Variants in DSCAML1 observed in about 807,000 individuals in gnomAD.
The protein encoded by DSCAML1 is DS cell adhesion molecule like 1, also known as cell adhesion molecule DSCAML1.
In DSCAML1, 38 loss-of-function variants were observed where a neutral mutation model predicts 200.5. The observed-to-expected ratio is 0.19, with a 90% CI of 0.15 to 0.25. DSCAML1 has a LOEUF of 0.25. DSCAML1 is among the 10% of genes least tolerant of loss of function. DSCAML1 has a pLI of 1.00. For missense variants in DSCAML1, 2,223 were observed against 2,858.8 expected, an observed-to-expected ratio of 0.78 and a Z score of 5.07; for synonymous variants, 1,215 against 1,165.0, an observed-to-expected ratio of 1.04 and a Z score of -0.87.
chr11:117,590,379 A>C (rs2051236137), intron 3 of DSCAML1, among the ~76,000 whole-genome samples: 2 of 152,028 alleles, frequency 1.3e-5, no homozygotes, highest in Admixed American at 6.6e-5. Context: ...AAAAAAAAAA[A>C]AAAAACTTGT....
chr11:117,482,693 T>C (rs1204015635), intron 11 of DSCAML1, among the ~76,000 whole-genome samples: 4 of 152,188 alleles, frequency 2.6e-5, no homozygotes, highest in Admixed American at 1.3e-4. Flanking sequence ...CTGGTGACAG[T>C]CACGGGGCTG....
At chr11:117,682,527 G>A (rs986098717) in intron 3 of DSCAML1, among the ~76,000 whole-genome samples, 20 of 152,266 alleles carry the variant, frequency 1.3e-4, no homozygotes, top group African/African-American at 4.8e-4. Context: ...AATTTCAGTT[G>A]AAGCCAAATT....
At chr11:117,768,755 A>G (rs2054943481) in intron 3 of DSCAML1, among the ~76,000 whole-genome samples, 1 of 152,292 alleles carries the variant, frequency 6.6e-6, no homozygotes, top group South Asian at 2.1e-4. Flanking sequence ...AAGGTCACCA[A>G]TTAAGACTAG....
At chr11:117,796,450 GCTA>G (rs2055577739) in intron 1 of DSCAML1, among the ~76,000 whole-genome samples, 1 of 152,242 alleles carries the variant, frequency 6.6e-6, no homozygotes, top group Non-Finnish European at 1.5e-5. Flanking sequence ...GAACAAACTT[GCTA>G]TCCGAGGGAC....
At position 117,594,622 on chromosome 11, in the gene DSCAML1, TC is replaced by T. The variant is rs552456084; in HGVS notation, c.512-62101del. Among the ~76,000 whole-genome samples the T allele has an allele frequency of 3.0e-4, 46 of 152,350 alleles. No homozygotes were observed. In the East Asian group the frequency reaches 8.9e-3, roughly 29 times the overall value. On this transcript the variant is annotated intron_variant, in intron 3 of 32. Coordinates refer to ENST00000651296, the MANE Select transcript of DSCAML1 (RefSeq NM_020693.4). ...CCCCAGCGGGCTGGGTTAGATCACC[TC>T]CACCTGACATCCCGCAGACCTGCAG...
intron 16 of DSCAML1, among the ~76,000 whole-genome samples, chr11:117,467,428 G>T (rs1011146520): frequency 3.9e-5 from 6 of 152,120 alleles, no homozygotes; most frequent in Admixed American, 3.3e-4. Context: ...TAAAGACAAT[G>T]AAGTTAATTT....
At chr11:117,472,907 G>A (rs1269279741) in intron 14 of DSCAML1, among the ~76,000 whole-genome samples, 4 of 152,146 alleles carry the variant, frequency 2.6e-5, no homozygotes, top group African/African-American at 9.7e-5. Flanking sequence ...GCCTCAGCTA[G>A]GACCTTCCAC....
At chr11:117,467,193 A>ACCCCCCCCCCCCCC (rs757481843) in intron 16 of DSCAML1, among the ~76,000 whole-genome samples, 28 of 109,508 alleles carry the variant, frequency 2.6e-4, no homozygotes, top group African/African-American at 7.5e-4. Context: ...GTGCACACAC[A>ACCCCCCCCCCCCCC]CCTCCCCCCT....
intron 3 of DSCAML1, among the ~76,000 whole-genome samples, chr11:117,651,646 A>G (rs1221271667): frequency 7.4e-6 from 1 of 134,632 alleles, no homozygotes; most frequent in African/African-American, 2.8e-5. Flanking sequence ...CAGGAGGTGG[A>G]GCTTGCAGTG....
At chr11:117,556,874 T>A (rs991641006) in intron 3 of DSCAML1, among the ~76,000 whole-genome samples, 7 of 152,236 alleles carry the variant, frequency 4.6e-5, no homozygotes, top group Admixed American at 1.3e-4. Flanking sequence ...TGCCCACATC[T>A]TCTTAGCTGC....
intron 3 of DSCAML1, among the ~76,000 whole-genome samples, chr11:117,768,864 T>C (rs2054945398): frequency 6.6e-6 from 1 of 151,684 alleles, no homozygotes; most frequent in Admixed American, 6.6e-5. Flanking sequence ...ATTGTCTTTT[T>C]CTTGTTGATT....
intron 3 of DSCAML1, among the ~76,000 whole-genome samples, chr11:117,536,986 C>G (rs1735314931): frequency 6.6e-6 from 1 of 152,162 alleles, no homozygotes; most frequent in South Asian, 2.1e-4. Flanking sequence ...GAAATGGATA[C>G]AATTATTATT....
chr11:117,546,506 G>T (rs757677379), intron 3 of DSCAML1, among the ~76,000 whole-genome samples: 2 of 152,222 alleles, frequency 1.3e-5, no homozygotes, highest in Non-Finnish European at 2.9e-5. Context: ...GGCTCTGCCA[G>T]CCATTCCCAC....
At chr11:117,755,301 T>C (rs902519393) in intron 3 of DSCAML1, among the ~76,000 whole-genome samples, 34 of 152,144 alleles carry the variant, frequency 2.2e-4, no homozygotes, top group African/African-American at 8.0e-4. Context: ...AGACAGTTGT[T>C]TAAGGAACTT....
intron 4 of DSCAML1, among the ~76,000 whole-genome samples, chr11:117,530,160 CG>C (rs748726060): frequency 1.3e-5 from 2 of 152,072 alleles, no homozygotes; most frequent in African/African-American, 2.4e-5. Flanking sequence ...TCCTCCCCCT[CG>C]CCCCTTCTCC....
rs370533690 is a variant in DSCAML1 at position 117,505,593 on chromosome 11, C to G, written c.1923G>C (p.Ser641=). ...ATTCCTTGCTCTCGATGGTCACGCC[C>G]GAGCCTGAGATGATCACCTGTCCGT... ...RKDGQVIISG[S]GVTIESKEFM... Residue 641 remains serine, a synonymous_variant, in exon 9 of 33, where the codon TCG becomes TCC. Transcript: ENST00000651296. The surrounding 1 kb of genome is among the most constrained non-coding windows in gnomAD (Gnocchi z 6.7). The G allele has an allele frequency of 3.1e-6, 5 of 1,613,802 alleles. No individual in the cohort carries two copies. In the East Asian group the frequency reaches 6.7e-5, roughly 22 times the overall value.
At chr11:117,512,778 CACACACACACACACACACACA>C (rs2049661652) in intron 8 of DSCAML1, among the ~76,000 whole-genome samples, 1 of 148,492 alleles carries the variant, frequency 6.7e-6, no homozygotes, top group Admixed American at 6.7e-5. Context: ...CACACACACA[CACACACACACACACACACACA>C]CACCCCTCCC....
At chr11:117,485,772 T>C (rs539031865) in intron 11 of DSCAML1, among the ~76,000 whole-genome samples, 154 of 152,358 alleles carry the variant, frequency 1.0e-3, no homozygotes, top group African/African-American at 3.4e-3. Context: ...GAAAAAAGCC[T>C]AGGTCTGTGG....
At position 117,469,846 on chromosome 11, in the gene DSCAML1, G is replaced by A. The variant is rs146818905; in HGVS notation, c.3024+64C>T. The A allele has an allele frequency of 1.8e-3, 2,650 of 1,470,252 alleles. 24 individuals are homozygous for A. The African/African-American group carries it at 0.024, about 13-fold the overall frequency. 91.1% of individuals were successfully genotyped at this position (1,470,252 alleles called of 1,614,324 possible). ...ACTAGCAAGCCTGCTGGGAGCTTTC[G>A]TCCTGGATTGAGGAGAGAGGAGGCA... On this transcript the variant is annotated intron_variant, in intron 16 of 32. Transcript: ENST00000651296. The surrounding 1 kb of genome is among the most constrained non-coding windows in gnomAD (Gnocchi z 4.1).
Sources: gnomAD v4.1 joint callset for allele counts (sites outside exome capture counted in the v4.1 genomes callset) on GRCh38, gnomAD v4.1.1 for gene constraint, Gnocchi (gnomAD v3.1) non-coding constraint, MANE v1.5 for transcripts, NCBI Gene and HGNC (gene_info 2026-07-23, HGNC 2026-07-21) for gene names.